The following BANK1 variants were observed in gnomAD, a reference collection of about 807,000 sequenced individuals.
BANK1 encodes the protein B cell scaffold protein with ankyrin repeats 1.
A neutral mutation model predicts 94.5 loss-of-function variants in BANK1; 95 were observed. That is an observed-to-expected ratio of 1.00 (90% CI 0.85 to 1.19). BANK1 has a LOEUF of 1.19. Among genes scored for constraint, BANK1 ranks in the 50% most tolerant of loss-of-function variants. The pLI is 0.00. For missense variants in BANK1, 987 were observed against 932.2 expected (o/e 1.06, Z -0.77); for synonymous variants, 334 against 308.4 (o/e 1.08, Z -0.87).
At chr4:101,811,866 A>G (rs1442530048) in intron 1 of BANK1, among the ~76,000 whole-genome samples, 2 of 152,246 alleles carry the variant, frequency 1.3e-5, no homozygotes, top group East Asian at 3.9e-4. Context: ...ACTTTGTGTT[A>G]AAGTAATTTA....
chr4:102,063,946 T>G (rs1174928315), intron 13 of BANK1, among the ~76,000 whole-genome samples: 6 of 152,178 alleles, frequency 3.9e-5, no homozygotes, highest in African/African-American at 1.4e-4. Flanking sequence ...TAATTGAAAG[T>G]TGCTTTGGCA....
intron 6 of BANK1, among the ~76,000 whole-genome samples, chr4:101,917,518 A>G (rs1560632053): frequency 6.6e-6 from 1 of 151,966 alleles, no homozygotes; most frequent in East Asian, 1.9e-4. Context: ...TTTGAAAGAA[A>G]AATTTTATAT....
chr4:102,049,446 G>A (rs750576677), intron 11 of BANK1, among the ~76,000 whole-genome samples: 25 of 152,232 alleles, frequency 1.6e-4, no homozygotes, highest in South Asian at 6.2e-4. Context: ...GATATGACAC[G>A]TGGCAACTGA....
intron 10 of BANK1, among the ~76,000 whole-genome samples, chr4:102,042,740 C>G (rs770025565): frequency 2.0e-5 from 3 of 152,110 alleles, no homozygotes; most frequent in Admixed American, 6.6e-5. Flanking sequence ...CTCAATTATC[C>G]CAGGAAATTC....
chr4:102,071,381 A>G (rs1329187216), intron 14 of BANK1, 77 bp downstream of exon 14: 3 of 1,391,884 alleles, frequency 2.2e-6, no homozygotes, highest in Non-Finnish European at 3.0e-6. Flanking sequence ...ATTAATGTAA[A>G]CCTAATGTGA....
chr4:102,013,129 T>C (rs1726566123), intron 7 of BANK1, among the ~76,000 whole-genome samples: 3 of 152,156 alleles, frequency 2.0e-5, no homozygotes, highest in Non-Finnish European at 4.4e-5. Flanking sequence ...TTTTTGCTAC[T>C]ATCTGGTACA....
chr4:101,982,040 G>C (rs1002316232), intron 7 of BANK1: 2 of 152,066 alleles, frequency 1.3e-5, no homozygotes, highest in Non-Finnish European at 2.9e-5. Flanking sequence ...TAACCCCCTG[G>C]ATGGGCCCCT....
intron 11 of BANK1, among the ~76,000 whole-genome samples, chr4:102,053,149 A>C (rs754213555): frequency 2.6e-5 from 4 of 152,152 alleles, no homozygotes; most frequent in Admixed American, 1.3e-4. Flanking sequence ...AGATGTGGAG[A>C]ACAGAGATAC....
intron 6 of BANK1, among the ~76,000 whole-genome samples, chr4:101,904,119 C>A (rs1722368736): frequency 6.6e-6 from 1 of 152,224 alleles, no homozygotes; most frequent in Non-Finnish European, 1.5e-5. Context: ...AGGTTGTTTA[C>A]TGCAGGAATT....
At chr4:102,013,496 A>G (rs1004262798) in intron 7 of BANK1, among the ~76,000 whole-genome samples, 11 of 152,056 alleles carry the variant, frequency 7.2e-5, no homozygotes, top group African/African-American at 1.9e-4. Flanking sequence ...CCCTGCTGAC[A>G]TTCAGCTCTT....
intron 2 of BANK1, among the ~76,000 whole-genome samples, chr4:101,848,116 A>G (rs557187410): frequency 2.0e-5 from 3 of 152,176 alleles, no homozygotes; most frequent in South Asian, 4.2e-4. Context: ...TCTCCCGCAA[A>G]CAGATCTTCA....
chr4:101,818,878 T>A (rs941214500), intron 1 of BANK1, among the ~76,000 whole-genome samples: 16 of 151,816 alleles, frequency 1.1e-4, no homozygotes, highest in Middle Eastern at 3.4e-3. Flanking sequence ...CTGTATTTTT[T>A]TTTTTTTTTT....
chr4:101,952,538 A>G (rs1282223017), intron 7 of BANK1, among the ~76,000 whole-genome samples: 1 of 152,168 alleles, frequency 6.6e-6, no homozygotes, highest in Non-Finnish European at 1.5e-5. Context: ...AGTTATAACA[A>G]TAGAAATAAC....
intron 1 of BANK1, among the ~76,000 whole-genome samples, chr4:101,811,387 A>G (rs1725726216): frequency 6.6e-6 from 1 of 152,146 alleles, no homozygotes. Context: ...GGATAGGATC[A>G]TATGGAACCA....
chr4:101,804,781 A>G (rs1725497261), intron 1 of BANK1, among the ~76,000 whole-genome samples: 1 of 152,226 alleles, frequency 6.6e-6, no homozygotes, highest in African/African-American at 2.4e-5. Flanking sequence ...TAAGATACAA[A>G]GTATGTGTTG....
chr4:102,066,331 A>G (rs1207026640), intron 13 of BANK1, among the ~76,000 whole-genome samples: 1 of 149,090 alleles, frequency 6.7e-6, no homozygotes, highest in African/African-American at 2.5e-5. Context: ...ATCTCGGCTC[A>G]CTGCAAGCTC....
At chr4:101,921,798 T>A (rs1225364547) in intron 7 of BANK1, among the ~76,000 whole-genome samples, 1 of 152,056 alleles carries the variant, frequency 6.6e-6, no homozygotes, top group East Asian at 1.9e-4. Flanking sequence ...ATTTTCTTCA[T>A]GAATATAATA....
intron 8 of BANK1, 43 bp downstream of exon 8, chr4:102,021,635 A>G (rs772050963): frequency 2.6e-6 from 2 of 759,786 alleles, no homozygotes; most frequent in African/African-American, 1.9e-5. Flanking sequence ...ATATTCATAT[A>G]TATATCACAT....
intron 1 of BANK1, among the ~76,000 whole-genome samples, chr4:101,791,903 C>T (rs1724999917): frequency 1.3e-5 from 2 of 152,026 alleles, no homozygotes; most frequent in Admixed American, 1.3e-4. Flanking sequence ...ACTTAGAGCC[C>T]ATAACTTAAT....
Sources: allele counts gnomAD v4.1 joint callset (sites outside exome capture counted in the v4.1 genomes callset), GRCh38; gene constraint gnomAD v4.1.1; transcripts MANE v1.5; gene names NCBI Gene and HGNC (gene_info 2026-07-23, HGNC 2026-07-21).